PRKCE: variants seen among roughly 807,000 people sequenced by gnomAD.
PRKCE encodes protein kinase C epsilon type.
PRKCE carries 16 observed loss-of-function variants against 85.4 expected under a neutral mutation model. The observed-to-expected ratio is 0.19, with a 90% CI of 0.13 to 0.28. The LOEUF is 0.28. PRKCE is among the 10% of genes least tolerant of loss of function. The pLI, the probability that PRKCE is intolerant of heterozygous loss-of-function variation, is 1.00. For missense variants in PRKCE, 573 were observed against 975.2 expected (o/e 0.59, Z 5.49); for synonymous variants, 388 against 371.5 (o/e 1.04, Z -0.51).
intron 6 of PRKCE, among the ~76,000 whole-genome samples, chr2:45,994,889 A>G (rs1011791334): frequency 2.6e-5 from 4 of 152,222 alleles, no homozygotes; most frequent in Non-Finnish European, 4.4e-5. Context: ...CTGGACCACT[A>G]TGCATTCCTA....
Position 46,099,500 on chromosome 2 carries a change from A to ATTT in PRKCE, c.1592+13150_1592+13152dup, listed in dbSNP as rs56086039. Among the ~76,000 whole-genome samples, 534 of 146,672 alleles carry ATTT rather than the reference A, an allele frequency of 3.6e-3. 4 individuals are homozygous for ATTT. Among genetic ancestry groups the ATTT allele is most frequent in the African/African-American group, 0.013 (498 of 39,828 alleles). The stretch of plus-strand genomic sequence containing the variant: ...ACCTTTTCCTGGAATAAGGTATGGT[A>ATTT]TTTTTTTTTTTTTTACGCTAACTTT... On this transcript the variant is annotated intron_variant, in intron 11 of 14. Transcript: ENST00000306156.
At chr2:45,875,861 G>A (rs1694436972) in intron 2 of PRKCE, among the ~76,000 whole-genome samples, 1 of 152,182 alleles carries the variant, frequency 6.6e-6, no homozygotes, top group Non-Finnish European at 1.5e-5. Flanking sequence ...CCTACTTGAA[G>A]GTTCTGAGCA....
intron 10 of PRKCE, among the ~76,000 whole-genome samples, chr2:46,045,161 T>C (rs1208279348): frequency 2.0e-5 from 3 of 152,188 alleles, no homozygotes; most frequent in Non-Finnish European, 4.4e-5. Flanking sequence ...GTATACCACA[T>C]ATAGCAAAAA....
intron 1 of PRKCE, among the ~76,000 whole-genome samples, chr2:45,696,031 C>T (rs1678120268): frequency 6.6e-6 from 1 of 151,716 alleles, no homozygotes; most frequent in African/African-American, 2.4e-5. Flanking sequence ...TGCTGGTGTA[C>T]TGCACCCATT....
chr2:45,811,658 G>T (rs1273633160), intron 1 of PRKCE, among the ~76,000 whole-genome samples: 1 of 152,150 alleles, frequency 6.6e-6, no homozygotes, highest in Non-Finnish European at 1.5e-5. Context: ...TCTGAGGCCG[G>T]GAAAAGGGTA....
intron 5 of PRKCE, 138 bp from the exon 6 acceptor site, chr2:45,984,413 G>T: frequency 1.6e-6 from 2 of 1,254,000 alleles, no homozygotes; most frequent in Non-Finnish European, 2.2e-6. Flanking sequence ...CCTCAGGGCA[G>T]CTTTTAGAGC....
intron 10 of PRKCE, among the ~76,000 whole-genome samples, chr2:46,026,844 G>A (rs936740241): frequency 2.6e-5 from 4 of 152,114 alleles, no homozygotes; most frequent in East Asian, 1.9e-4. Flanking sequence ...CCAAACAGGC[G>A]AGACTAAACA....
chr2:46,032,957 AAGTAGCCGTC>A (rs1707631434), intron 10 of PRKCE, among the ~76,000 whole-genome samples: 1 of 152,154 alleles, frequency 6.6e-6, no homozygotes, highest in South Asian at 2.1e-4. Context: ...GTATAAGTTG[AAGTAGCCGTC>A]AGTGGTGCTT....
chr2:46,040,883 A>G (rs1708177698), intron 10 of PRKCE, among the ~76,000 whole-genome samples: 1 of 152,242 alleles, frequency 6.6e-6, no homozygotes, highest in South Asian at 2.1e-4. Flanking sequence ...AAAAGCTGGC[A>G]AACTGACGAA....
At chr2:45,919,886 A>G (rs190539938) in intron 2 of PRKCE, among the ~76,000 whole-genome samples, 110 of 152,330 alleles carry the variant, frequency 7.2e-4, no homozygotes, top group African/African-American at 2.5e-3. Context: ...TCAGGCGAAC[A>G]CTAGTGCCAG....
At position 45,817,594 on chromosome 2, in the gene PRKCE, T is replaced by C. The variant is rs1558706577; in HGVS notation, c.349-25406T>C. ...CTGTAGTCCCAGCTACTCAGGAGGC[T>C]GAGGCAGGAGAATGGCGTGAACCCG... On this transcript the variant is annotated intron_variant, in intron 1 of 14. Coordinates refer to ENST00000306156, the MANE Select transcript of PRKCE (RefSeq NM_005400.3). 2.0e-5 allele frequency among the ~76,000 whole-genome samples: 3 copies of C among 152,128 alleles called. No homozygotes were observed. In the East Asian group the frequency reaches 5.8e-4, roughly 29 times the overall value.
intron 11 of PRKCE, among the ~76,000 whole-genome samples, chr2:46,088,086 T>C (rs972849973): frequency 1.3e-5 from 2 of 152,172 alleles, no homozygotes; most frequent in Non-Finnish European, 2.9e-5. Context: ...TGATATCACA[T>C]CAGCTTTGCC....
intron 2 of PRKCE, among the ~76,000 whole-genome samples, chr2:45,944,528 GC>G (rs1431948291): frequency 1.3e-5 from 2 of 151,854 alleles, no homozygotes; most frequent in Non-Finnish European, 2.9e-5. Flanking sequence ...TTGCTCTGTC[GC>G]CCAGGCTGGA....
At chr2:46,112,549 C>T (rs542883124) in intron 11 of PRKCE, among the ~76,000 whole-genome samples, 4 of 151,702 alleles carry the variant, frequency 2.6e-5, no homozygotes, top group Admixed American at 1.3e-4. Context: ...AGAGTCTCAC[C>T]TTGTCACCCA....
At chr2:45,698,880 C>G (rs1433158200) in intron 1 of PRKCE, among the ~76,000 whole-genome samples, 1 of 151,492 alleles carries the variant, frequency 6.6e-6, no homozygotes, top group African/African-American at 2.4e-5. Flanking sequence ...TGTGGTTACC[C>G]TCCCTTTTGG....
At chr2:46,171,102 C>A (rs1361867061) in intron 14 of PRKCE, among the ~76,000 whole-genome samples, 1 of 152,258 alleles carries the variant, frequency 6.6e-6, no homozygotes. Context: ...CAGGCTCCTG[C>A]TGCATCGCCA....
At chr2:45,801,662 T>A (rs960088892) in intron 1 of PRKCE, among the ~76,000 whole-genome samples, 29 of 152,156 alleles carry the variant, frequency 1.9e-4, no homozygotes, top group African/African-American at 6.7e-4. Context: ...GAGAGCCAGC[T>A]AGAGAGGAGG....
At chr2:45,920,842 A>G (rs1297170700) in intron 2 of PRKCE, among the ~76,000 whole-genome samples, 2 of 152,224 alleles carry the variant, frequency 1.3e-5, no homozygotes, top group Admixed American at 6.5e-5. Flanking sequence ...TACTAAAACA[A>G]TTGAGTTGTA....
intron 6 of PRKCE, among the ~76,000 whole-genome samples, chr2:45,988,482 G>T (rs887946960): frequency 6.6e-6 from 1 of 152,036 alleles, no homozygotes; most frequent in African/African-American, 2.4e-5. Context: ...AAGAGTGGGT[G>T]CATGCAGGGC....
Sources: gnomAD v4.1 joint callset for allele counts (sites outside exome capture counted in the v4.1 genomes callset) on GRCh38, gnomAD v4.1.1 for gene constraint, MANE v1.5 for transcripts, NCBI Gene and HGNC (gene_info 2026-07-23, HGNC 2026-07-21) for gene names.